Variants in RBL2 observed in about 807,000 individuals in gnomAD.
RBL2 encodes retinoblastoma-like protein 2.
A neutral mutation model predicts 126.0 loss-of-function variants in RBL2; 56 were observed. The observed-to-expected ratio is 0.44, with a 90% CI of 0.36 to 0.56. The LOEUF is 0.56. Ranked by LOEUF, RBL2 falls within the 20% of genes least tolerant of loss-of-function variation. The pLI, the probability that RBL2 is intolerant of heterozygous loss-of-function variation, is 0.00. For missense variants in RBL2, 1,229 were observed against 1,398.2 expected (o/e 0.88, Z 1.93); for synonymous variants, 454 against 478.5 (o/e 0.95, Z 0.67).
At chr16:53,487,589 T>G (rs559650106) in intron 21 of RBL2, 13 of 152,316 alleles carry the variant, frequency 8.5e-5, no homozygotes, top group African/African-American at 3.1e-4. Flanking sequence ...ACAAAACCTC[T>G]AGAAGACAAC....
At chr16:53,489,100 C>T (rs1305297380) in intron 21 of RBL2, 1 of 151,250 alleles carries the variant, frequency 6.6e-6, no homozygotes, top group Admixed American at 6.6e-5. Flanking sequence ...GAAGGTACAT[C>T]TGTTGATAAT....
At chr16:53,476,238 T>G (rs1960724810) in intron 17 of RBL2, among the ~76,000 whole-genome samples, 1 of 152,210 alleles carries the variant, frequency 6.6e-6, no homozygotes, top group Non-Finnish European at 1.5e-5. Context: ...TCTGATTTCT[T>G]TTTTTGGCTT....
chr16:53,453,409 A>G (rs2058134804), intron 5 of RBL2, 43 bp from the exon 6 acceptor site: 5 of 1,559,984 alleles, frequency 3.2e-6, no homozygotes, highest in Non-Finnish European at 4.4e-6. Context: ...AAATTGGCTT[A>G]TTGTGTGCTG....
At chr16:53,455,883 C>T (rs534813700) in intron 8 of RBL2, among the ~76,000 whole-genome samples, 31 of 152,064 alleles carry the variant, frequency 2.0e-4, no homozygotes, top group African/African-American at 5.8e-4. Context: ...TAAGAAGTGA[C>T]GGGAGGCCAG....
intron 2 of RBL2, 88 bp from the exon 3 acceptor site, chr16:53,442,570 G>A (rs895866773): frequency 7.4e-6 from 7 of 947,884 alleles, no homozygotes; most frequent in African/African-American, 1.7e-5. Context: ...AATTTAATGC[G>A]ATAATATTGA....
Position 53,480,438 on chromosome 16 carries a change from AAC to A in RBL2, c.2882-127_2882-126del, listed in dbSNP as rs1337920604. ...CTGAGCTTTGCTTTTTGGTGTGAAG[AAC>A]AGAGTGCCTATTCACTGTTATTAGC... On this transcript the variant is annotated intron_variant, in intron 19 of 21. Transcript: ENST00000262133. 5.3e-6 allele frequency: 4 copies of A among 759,920 alleles called. No individual in the cohort carries two copies. The African/African-American group carries it at 7.0e-5, about 13-fold the overall frequency. 47.1% of individuals were successfully genotyped at this position (759,920 alleles called of 1,614,324 possible).
At chr16:53,461,994 C>T (rs2058226214) in intron 10 of RBL2, 144 bp downstream of exon 10, 3 of 636,698 alleles carry the variant, frequency 4.7e-6, no homozygotes. Flanking sequence ...TCTGGTCAAC[C>T]AACTGATTTC....
chr16:53,479,440 T>G lies in RBL2; in HGVS notation c.2775+215T>G, dbSNP rs1960858804. On this transcript the variant is annotated intron_variant, in intron 18 of 21. Coordinates refer to ENST00000262133, the MANE Select transcript of RBL2 (RefSeq NM_005611.4). ...CAACAATGTTAAATATTTGATTGCC[T>G]TCTTAATTCAGAAAAATCACAAGAT... 5.5e-6 allele frequency: 3 copies of G among 545,070 alleles called. No individual in the cohort carries two copies. In the South Asian group the frequency reaches 7.7e-5, roughly 14 times the overall value. 33.8% of individuals were successfully genotyped at this position (545,070 alleles called of 1,614,324 possible).
Position 53,481,915 on chromosome 16 carries a change from G to A in RBL2, c.3249+80G>A, listed in dbSNP as rs1014999803. 12 of 1,471,964 alleles carry A rather than the reference G, an allele frequency of 8.2e-6. No individual in the cohort carries two copies. In the Admixed American group the frequency reaches 2.0e-4, roughly 25 times the overall value. The allele number at this position is 1,471,964 out of a possible 1,614,324, so 91.2% of individuals were successfully genotyped here. A position where few individuals can be genotyped will look rare whatever the true frequency, so the allele number is the denominator to read the frequency against. On this transcript the variant is annotated intron_variant, in intron 21 of 21. Coordinates refer to ENST00000262133, the MANE Select transcript of RBL2 (RefSeq NM_005611.4). Reference sequence around the variant, plus strand: ...GAAACAGGGTTTGTGCTAAGCTTAGGCACTCATTAGAGTGATGAGAGCTGC... The same window carrying A: ...GAAACAGGGTTTGTGCTAAGCTTAGACACTCATTAGAGTGATGAGAGCTGC...
chr16:53,450,402 G>A (rs1395212190), intron 4 of RBL2, among the ~76,000 whole-genome samples: 2 of 152,084 alleles, frequency 1.3e-5, no homozygotes, highest in African/African-American at 4.8e-5. Flanking sequence ...AAATGCTGAG[G>A]TTTGGAAATA....
chr16:53,436,021 G>C (rs1014836599), intron 1 of RBL2, among the ~76,000 whole-genome samples: 1 of 152,160 alleles, frequency 6.6e-6, no homozygotes, highest in African/African-American at 2.4e-5. Context: ...GGCACATAAA[G>C]CACCCATATG....
intron 4 of RBL2, among the ~76,000 whole-genome samples, chr16:53,451,477 G>C (rs143865093): frequency 2.4e-4 from 37 of 152,202 alleles, no homozygotes; most frequent in African/African-American, 8.9e-4. Flanking sequence ...CTGTACTCCA[G>C]CCTGGGTGAC....
intron 21 of RBL2, among the ~76,000 whole-genome samples, chr16:53,482,693 C>T (rs1446101477): frequency 6.6e-6 from 1 of 151,794 alleles, no homozygotes; most frequent in Non-Finnish European, 1.5e-5. Context: ...ACCTGTAATC[C>T]CAGCTACTCG....
Position 53,480,728 on chromosome 16 carries a change from A to C in RBL2, c.3043A>C (p.Lys1015Gln), listed in dbSNP as rs144438201. The C allele has an allele frequency of 1.9e-6, 3 of 1,613,246 alleles. No homozygotes were observed. Among genetic ancestry groups the C allele is most frequent in the Non-Finnish European group, 2.5e-6 (3 of 1,179,970 alleles). The change falls in exon 20 of 22, where the codon AAA (lysine) becomes CAA (glutamine). Residue 1015 changes from lysine (K) to glutamine (Q), a missense_variant. Physicochemically the swap from Lys to Gln is moderately conservative, Grantham distance 53. Coordinates refer to ENST00000262133, the MANE Select transcript of RBL2 (RefSeq NM_005611.4). ...TCAGTTCTACAACAACATCTACATC[A>C]AACAGATTAAGACATTTGCCATGAA... is the stretch of plus-strand genomic sequence containing the variant. ...LIQFYNNIYI[K>Q]QIKTFAMKYS...
chr16:53,486,001 G>A lies in RBL2; in HGVS notation c.3250-4129G>A, dbSNP rs549930111. 2.1e-3 allele frequency among the ~76,000 whole-genome samples: 325 copies of A among 151,370 alleles called. 3 individuals carry two copies. Among genetic ancestry groups the A allele is most frequent in the African/African-American group, 7.0e-3 (290 of 41,252 alleles). On this transcript the variant is annotated intron_variant, in intron 21 of 21. Transcript: ENST00000262133. ...AGTATAATGAAAGATAAAGAACAAC[G>A]TAATGCCAGCCAGATGTCGTGGCTC...
chr16:53,474,188 A>T (rs867524025), intron 17 of RBL2, among the ~76,000 whole-genome samples: 5 of 151,936 alleles, frequency 3.3e-5, no homozygotes, highest in African/African-American at 1.2e-4. Context: ...GACAGGGTCT[A>T]CCTTGTTGCA....
At chr16:53,438,244 C>T (rs1380621416) in intron 1 of RBL2, among the ~76,000 whole-genome samples, 4 of 152,072 alleles carry the variant, frequency 2.6e-5, no homozygotes, top group Non-Finnish European at 5.9e-5. Context: ...GGTACTGGCA[C>T]AGCTGGAGCT....
Position 53,451,729 on chromosome 16 carries a change from T to C in RBL2, c.664T>C (p.Leu222=). Residue 222 remains leucine (L), a synonymous_variant, in exon 5 of 22, where the codon TTG becomes CTG. Transcript: ENST00000262133. ...TAATTTCCCCATGATTAGTGATGATTTGGTCAATTCTTATCACCTGCTGCT... is the reference window on the plus strand; with the variant it reads ...TAATTTCCCCATGATTAGTGATGATCTGGTCAATTCTTATCACCTGCTGCT... ...KGNFPMISDD[L]VNSYHLLLCA... is the part of the protein sequence containing the mutation. 1.2e-6 allele frequency: 2 copies of C among 1,613,058 alleles called. No homozygotes were observed. Among genetic ancestry groups the C allele is most frequent in the East Asian group, 2.2e-5 (1 of 44,848 alleles).
chr16:53,442,889 C>T (rs758123329), intron 3 of RBL2, 31 bp downstream of exon 3: 2 of 1,539,330 alleles, frequency 1.3e-6, no homozygotes, highest in Non-Finnish European at 1.8e-6. Context: ...ATCAGGAATA[C>T]ACGTTAGTCT....
Sources: allele counts gnomAD v4.1 joint callset (sites outside exome capture counted in the v4.1 genomes callset), GRCh38; gene constraint gnomAD v4.1.1; transcripts MANE v1.5; gene names NCBI Gene and HGNC (gene_info 2026-07-23, HGNC 2026-07-21).